Variants in EFCAB5 observed in about 807,000 individuals in gnomAD.
EFCAB5 encodes the protein EF-hand calcium binding domain 5.
In EFCAB5, 131 loss-of-function variants were observed where a neutral mutation model predicts 167.9. The observed-to-expected ratio is 0.78, with a 90% CI of 0.68 to 0.90. EFCAB5 has a LOEUF of 0.90. EFCAB5 is among the 40% of genes least tolerant of loss of function. The pLI, the probability that EFCAB5 is intolerant of heterozygous loss-of-function variation, is 0.00. For synonymous variants in EFCAB5, 574 were observed against 602.8 expected, an observed-to-expected ratio of 0.95 and a Z score of 0.70; for missense variants, 1,663 against 1,745.2, an observed-to-expected ratio of 0.95 and a Z score of 0.84.
chr17:29,969,277 T>A lies in EFCAB5; in HGVS notation c.677T>A (p.Ile226Asn). Residue 226 changes from isoleucine (I) to asparagine (N), a missense_variant, in exon 4 of 23, where the codon ATC (isoleucine) becomes AAC (asparagine). Ile to Asn is a moderately radical substitution (Grantham distance 149). Transcript: ENST00000394835. ...TTAATAAGAAACAATCCTAATTATA[T>A]CAAAGACCCAGGAATGTCTGGTTAC... ...EYLIRNNPNYIKDPGMSGYQR... is the reference protein window; with the variant it reads ...EYLIRNNPNYNKDPGMSGYQR... 6.2e-7 allele frequency: 1 copy of A among 1,613,562 alleles called. No individual in the cohort carries two copies. The highest frequency in any genetic ancestry group is 1.3e-5 in the African/African-American group (1 of 75,000).
chr17:29,965,068 AT>A (rs887810713), intron 3 of EFCAB5, among the ~76,000 whole-genome samples: 138 of 144,676 alleles, frequency 9.5e-4, no homozygotes, highest in Middle Eastern at 3.5e-3. Flanking sequence ...CATCCGGCTA[AT>A]TTTTTTTTTT....
In EFCAB5 at chr17:29,968,912, T is replaced by A; in HGVS notation, c.312T>A (p.Thr104=). Reference sequence around the variant, plus strand: ...AAGTGATTTTTGCTTTAGATGAAACTGAACTGAAATCAAAGCCAGAGCACA... The same window carrying A: ...AAGTGATTTTTGCTTTAGATGAAACAGAACTGAAATCAAAGCCAGAGCACA... ...SAKVIFALDE[T]ELKSKPEHTW... Residue 104 remains threonine (T), a synonymous_variant, in exon 4 of 23, where the codon ACT becomes ACA. Coordinates refer to ENST00000394835, the MANE Select transcript of EFCAB5 (RefSeq NM_198529.4). The A allele has an allele frequency of 6.3e-7, 1 of 1,577,786 alleles. No homozygotes were observed.
At chr17:30,050,805 G>T (rs1006464704) in intron 8 of EFCAB5, among the ~76,000 whole-genome samples, 1 of 152,184 alleles carries the variant, frequency 6.6e-6, no homozygotes, top group Non-Finnish European at 1.5e-5. Flanking sequence ...ATTGTTTCAA[G>T]TGACATACTC....
In EFCAB5 at chr17:30,096,687, T is replaced by A. The variant is rs1276303406; in HGVS notation, c.4321+3751T>A. ...TATATATATATATATATTTTTTTTT[T>A]TTTTTTTTTTGAGATGGAGTCTTGC... On this transcript the variant is annotated intron_variant, in intron 22 of 22. Coordinates refer to ENST00000394835, the MANE Select transcript of EFCAB5 (RefSeq NM_198529.4). 1.4e-4 allele frequency among the ~76,000 whole-genome samples: 19 copies of A among 133,540 alleles called. No individual in the cohort carries two copies. In the East Asian group the frequency reaches 3.5e-3, roughly 25 times the overall value. 87.6% of individuals were successfully genotyped at this position (133,540 alleles called of 152,430 possible).
Position 29,952,705 on chromosome 17 carries a change from T to G in EFCAB5, c.190+9056T>G, listed in dbSNP as rs58592601. ...AAAAACAAGAACAATGTTGTATTCC[T>G]TAGATAGAATAAAAATAAGTGCATG... On this transcript the variant is annotated intron_variant, in intron 3 of 22. Transcript: ENST00000394835. 8.2e-3 allele frequency among the ~76,000 whole-genome samples: 1,250 copies of G among 152,240 alleles called. 60 individuals carry two copies. The East Asian group carries it at 0.14, about 17-fold the overall frequency.
chr17:30,037,202 G>C (rs1377963043), intron 8 of EFCAB5, among the ~76,000 whole-genome samples: 1 of 152,164 alleles, frequency 6.6e-6, no homozygotes. Context: ...TGGGCCTGAA[G>C]ATACTCCCTT....
At chr17:30,025,723 TGTTTATTGTG>T (rs2069300758) in intron 7 of EFCAB5, among the ~76,000 whole-genome samples, 1 of 152,188 alleles carries the variant, frequency 6.6e-6, no homozygotes, top group South Asian at 2.1e-4. Flanking sequence ...TGCACATGTG[TGTTTATTGTG>T]GCACTATTCA....
chr17:30,107,730 CA>C, intron 22 of EFCAB5, 103 bp from the exon 23 acceptor site: 1 of 1,060,094 alleles, frequency 9.4e-7, no homozygotes, highest in Middle Eastern at 3.3e-4. Flanking sequence ...GGTTTTGACT[CA>C]AAACATATCT....
At chr17:30,056,317 A>G (rs1175028626) in intron 12 of EFCAB5, among the ~76,000 whole-genome samples, 161 bp downstream of exon 12, 1 of 152,184 alleles carries the variant, frequency 6.6e-6, no homozygotes, top group Non-Finnish European at 1.5e-5. Flanking sequence ...TATATACCAG[A>G]TAGATATATT....
chr17:30,014,811 A>G lies in EFCAB5; in HGVS notation c.1044+14835A>G, dbSNP rs140097977. ...TAGCCCATTTACATTTAAGGTTAAT[A>G]TTGTTATGTGTGAATTTGATCCTGT... On this transcript the variant is annotated intron_variant, in intron 7 of 22. Coordinates refer to ENST00000394835, the MANE Select transcript of EFCAB5 (RefSeq NM_198529.4). 7.6e-3 allele frequency among the ~76,000 whole-genome samples: 1,149 copies of G among 152,136 alleles called. 19 individuals carry two copies. The highest frequency in any genetic ancestry group is 0.026 in the African/African-American group (1,094 of 41,494).
rs541659912 is a variant in EFCAB5, at chr17:30,030,808, C to G, written c.1045-3422C>G. Among the ~76,000 whole-genome samples the G allele has an allele frequency of 4.6e-5, 7 of 152,196 alleles. No homozygotes were observed. The South Asian group carries it at 1.0e-3, about 23-fold the overall frequency. On this transcript the variant is annotated intron_variant, in intron 7 of 22. Coordinates refer to ENST00000394835, the MANE Select transcript of EFCAB5 (RefSeq NM_198529.4). ...GAGTGGGACTACAAGCGTGCACCAC[C>G]ACTCTTGGCTAAATTTTTAAATCTT...
intron 7 of EFCAB5, among the ~76,000 whole-genome samples, chr17:30,025,537 G>A (rs1320485498): frequency 3.8e-4 from 58 of 152,312 alleles, no homozygotes; most frequent in South Asian, 2.1e-4. Context: ...TGGAGAGGAC[G>A]TGGAGAAATA....
chr17:30,014,707 A>G (rs2068990554), intron 7 of EFCAB5, among the ~76,000 whole-genome samples: 1 of 151,956 alleles, frequency 6.6e-6, no homozygotes, highest in African/African-American at 2.4e-5. Flanking sequence ...TGCACGTGAG[A>G]TGGGTCTCCT....
intron 14 of EFCAB5, among the ~76,000 whole-genome samples, chr17:30,064,313 T>C (rs2151804815): frequency 6.6e-6 from 1 of 152,006 alleles, no homozygotes; most frequent in African/African-American, 2.4e-5. Context: ...AACAAAGGGA[T>C]AGAAATCATA....
At chr17:29,935,551 C>T (rs1324158401) in intron 1 of EFCAB5, among the ~76,000 whole-genome samples, 3 of 151,566 alleles carry the variant, frequency 2.0e-5, no homozygotes, top group Non-Finnish European at 2.9e-5. Flanking sequence ...AGAGCAAGAC[C>T]TTGTCTCAAA....
rs568087622 is a variant in EFCAB5, at chr17:30,107,606, C to A, written c.4322-228C>A. On this transcript the variant is annotated intron_variant, in intron 22 of 22. Coordinates refer to ENST00000394835, the MANE Select transcript of EFCAB5 (RefSeq NM_198529.4). ...TGTATTGAATATTTTGAGATTTATT[C>A]ATGAATACAAATAACTCTAATTCTT... is the stretch of plus-strand genomic sequence containing the variant. Among the ~76,000 whole-genome samples, 272 of 152,186 alleles carry A rather than the reference C, an allele frequency of 1.8e-3. 1 individual carries two copies. The highest frequency in any genetic ancestry group is 3.4e-3 in the Non-Finnish European group (232 of 68,010).
intron 14 of EFCAB5, among the ~76,000 whole-genome samples, chr17:30,064,397 C>T (rs1191036912): frequency 3.3e-5 from 5 of 151,962 alleles, no homozygotes; most frequent in Non-Finnish European, 7.4e-5. Flanking sequence ...AGAGCTTCAC[C>T]AGCAGACTTA....
rs1001074477 is a variant in EFCAB5, at chr17:30,051,009, G to A, written c.1201-109G>A. On this transcript the variant is annotated intron_variant, in intron 8 of 22. Transcript: ENST00000394835. Reference sequence around the variant, plus strand: ...CTGCAGCTTTTATTTACATGATAATGATTGTTGTGGTGATAGTGATGATAA... The same window carrying A: ...CTGCAGCTTTTATTTACATGATAATAATTGTTGTGGTGATAGTGATGATAA... 3 of 783,458 alleles carry A rather than the reference G, an allele frequency of 3.8e-6. No individual in the cohort carries two copies. In the African/African-American group the frequency reaches 5.2e-5, roughly 14 times the overall value. The allele number at this position is 783,458 out of a possible 1,614,324, so 48.5% of individuals were successfully genotyped here. A position where few individuals can be genotyped will look rare whatever the true frequency, so the allele number is the denominator to read the frequency against.
chr17:29,967,949 A>C (rs1473471120), intron 3 of EFCAB5, among the ~76,000 whole-genome samples: 2 of 142,666 alleles, frequency 1.4e-5, no homozygotes, highest in Non-Finnish European at 3.0e-5. Flanking sequence ...ATCGTGGCTC[A>C]CTGCAGCCTC....
Sources: allele counts gnomAD v4.1 joint callset (sites outside exome capture counted in the v4.1 genomes callset), GRCh38; gene constraint gnomAD v4.1.1; transcripts MANE v1.5; gene names NCBI Gene and HGNC (gene_info 2026-07-23, HGNC 2026-07-21).